COL27A1: variants seen among roughly 807,000 people sequenced by gnomAD.
The protein encoded by COL27A1 is collagen alpha-1(XXVII) chain.
COL27A1 carries 106 observed loss-of-function variants against 251.3 expected under a neutral mutation model. That is an observed-to-expected ratio of 0.42 (90% CI 0.36 to 0.50). The LOEUF (loss-of-function observed/expected upper bound fraction) is 0.50. COL27A1 is among the 20% of genes least tolerant of loss of function. The pLI is 0.00. For missense variants in COL27A1, 2,325 were observed against 2,522.8 expected (o/e 0.92, Z 1.68); for synonymous variants, 1,000 against 986.3 (o/e 1.01, Z -0.26).
Position 114,194,386 on chromosome 9 carries a change from G to C in COL27A1, c.2017-18G>C, listed in dbSNP as rs940128997. The C allele has an allele frequency of 6.2e-7, 1 of 1,613,242 alleles. No homozygotes were observed. Among genetic ancestry groups the C allele is most frequent in the African/African-American group, 1.3e-5 (1 of 74,902 alleles). ...TCTAGATGACTTGGTGGCCAAAGTG[G>C]AATTGTTTTTGTTTCAGGGACAGAA... On this transcript the variant is annotated intron_variant, in intron 5 of 60. Transcript: ENST00000356083.
chr9:114,298,868 A>G (rs1828423238), intron 49 of COL27A1, among the ~76,000 whole-genome samples: 1 of 152,244 alleles, frequency 6.6e-6, no homozygotes. Context: ...GAAAGTATTT[A>G]CGAATCATAT....
chr9:114,205,208 T>C, intron 8 of COL27A1, 62 bp downstream of exon 8: 1 of 1,470,350 alleles, frequency 6.8e-7, no homozygotes. Context: ...CCTACCTGTC[T>C]CTGGCCCCCT....
intron 10 of COL27A1, chr9:114,209,441 C>T (rs1474320011): frequency 7.8e-6 from 6 of 766,450 alleles, no homozygotes; most frequent in East Asian, 5.0e-5. Flanking sequence ...CCTTCCCTGG[C>T]GTGAGGGTAT....
At chr9:114,162,619 G>T in intron 1 of COL27A1, 96 bp from the exon 2 acceptor site, 1 of 876,904 alleles carries the variant, frequency 1.1e-6, no homozygotes. Context: ...ACTGGGGTGA[G>T]ACTGGGACTG....
At chr9:114,222,648 C>A (rs990731517) in intron 14 of COL27A1, among the ~76,000 whole-genome samples, 2 of 152,184 alleles carry the variant, frequency 1.3e-5, no homozygotes, top group Non-Finnish European at 2.9e-5. Context: ...TGATGGCATA[C>A]TTATTTCACA....
intron 7 of COL27A1, among the ~76,000 whole-genome samples, chr9:114,202,007 G>A (rs1829614179): frequency 6.6e-6 from 1 of 152,204 alleles, no homozygotes; most frequent in Non-Finnish European, 1.5e-5. Flanking sequence ...TTCCTCAACT[G>A]GCAAATGTGT....
At chr9:114,258,102 CG>C (rs1834062392) in intron 27 of COL27A1, among the ~76,000 whole-genome samples, 1 of 152,110 alleles carries the variant, frequency 6.6e-6, no homozygotes, top group Admixed American at 6.5e-5. Context: ...GAGGCTGAGG[CG>C]GGGGGATCAC....
rs368193655 is a variant in COL27A1 at position 114,169,134 on chromosome 9, G to A, written c.1579G>A (p.Gly527Ser). ...AACAGCACCTGCCGTCCCCACTCCTGGCTCAGCTCCCACTGGAAGCAAGAA... is the reference window on the plus strand; with the variant it reads ...AACAGCACCTGCCGTCCCCACTCCTAGCTCAGCTCCCACTGGAAGCAAGAA... ...PRTAPAVPTP[G>S]SAPTGSKKPI... Residue 527 changes from glycine (G) to serine (S), a missense_variant, in exon 3 of 61, where the codon GGC (glycine) becomes AGC (serine). Gly to Ser is a moderately conservative substitution (Grantham distance 56, BLOSUM62 0). This residue lies in a region of COL27A1 where 1,183 missense variants were observed against 1,144.1 expected (regional missense o/e 1.03). Transcript: ENST00000356083. 3.1e-6 allele frequency: 5 copies of A among 1,613,966 alleles called. No homozygotes were observed. The African/African-American group carries it at 5.3e-5, about 17-fold the overall frequency.
chr9:114,165,513 C>G (rs1052015968), intron 2 of COL27A1, among the ~76,000 whole-genome samples: 10 of 150,518 alleles, frequency 6.6e-5, no homozygotes, highest in African/African-American at 2.2e-4. Context: ...CATTCATCCA[C>G]CCACCCATCC....
intron 39 of COL27A1, among the ~76,000 whole-genome samples, chr9:114,283,243 C>T (rs1193735328): frequency 1.3e-5 from 2 of 152,168 alleles, no homozygotes; most frequent in Non-Finnish European, 2.9e-5. Context: ...AGGAGTTACA[C>T]GGCAGCCCTC....
At chr9:114,208,471 A>T (rs1830127177) in intron 10 of COL27A1, among the ~76,000 whole-genome samples, 1 of 152,118 alleles carries the variant, frequency 6.6e-6, no homozygotes, top group African/African-American at 2.4e-5. Context: ...TAAATAAAAA[A>T]ATAATAAAAT....
At chr9:114,233,155 G>T (rs1832088015) in intron 16 of COL27A1, among the ~76,000 whole-genome samples, 1 of 152,202 alleles carries the variant, frequency 6.6e-6, no homozygotes, top group Non-Finnish European at 1.5e-5. Context: ...GCAGAACTAA[G>T]TCAGAAGGTC....
rs1832669048 is a variant in COL27A1, at chr9:114,240,283, T to C, written c.2781+10T>C. The C allele has an allele frequency of 6.3e-7, 1 of 1,591,220 alleles. No homozygotes were observed. Among genetic ancestry groups the C allele is most frequent in the Non-Finnish European group, 8.6e-7 (1 of 1,168,250 alleles). On this transcript the variant is annotated intron_variant, in intron 20 of 60. Transcript: ENST00000356083. Reference sequence around the variant, plus strand: ...CCCAGAAGGCATGAAGGTGAGTACCTGCCCAGGGCAGCTCCAGTTGGAGGA... The same window carrying C: ...CCCAGAAGGCATGAAGGTGAGTACCCGCCCAGGGCAGCTCCAGTTGGAGGA...
chr9:114,215,324 T>G (rs1830648609), intron 12 of COL27A1, among the ~76,000 whole-genome samples: 1 of 152,136 alleles, frequency 6.6e-6, no homozygotes, highest in African/African-American at 2.4e-5. Flanking sequence ...TATTTCCAAG[T>G]AGGGAAATTG....
rs1827977113 is a variant in COL27A1 at position 114,292,291 on chromosome 9, G to A, written c.4584+81G>A. On this transcript the variant is annotated intron_variant, in intron 49 of 60. Coordinates refer to ENST00000356083, the MANE Select transcript of COL27A1 (RefSeq NM_032888.4). ...CATACACCTACATGTACAAACACAT[G>A]CACACTCATACACACACACAAACAC... The A allele has an allele frequency of 3.7e-6, 4 of 1,090,722 alleles. No individual in the cohort carries two copies. The East Asian group carries it at 1.0e-4, about 28-fold the overall frequency. The allele number at this position is 1,090,722 out of a possible 1,614,324, so 67.6% of individuals were successfully genotyped here. A position where few individuals can be genotyped will look rare whatever the true frequency, so the allele number is the denominator to read the frequency against.
intron 2 of COL27A1, among the ~76,000 whole-genome samples, chr9:114,164,267 A>G (rs1848685202): frequency 6.6e-6 from 1 of 152,244 alleles, no homozygotes; most frequent in African/African-American, 2.4e-5. Context: ...TAAGTGCTCA[A>G]CAAGTATTAG....
intron 5 of COL27A1, among the ~76,000 whole-genome samples, chr9:114,191,151 C>T (rs764377183): frequency 2.6e-5 from 4 of 152,166 alleles, no homozygotes; most frequent in Non-Finnish European, 4.4e-5. Context: ...TTCCTGTCCT[C>T]CACTTACCAC....
intron 27 of COL27A1, among the ~76,000 whole-genome samples, chr9:114,257,743 G>A (rs1834027267): frequency 6.6e-6 from 1 of 152,080 alleles, no homozygotes; most frequent in Non-Finnish European, 1.5e-5. Flanking sequence ...CCCCAGGCCT[G>A]TGTTCTCAGT....
chr9:114,155,381 T>C (rs574515610), upstream of COL27A1, among the ~76,000 whole-genome samples: 2 of 152,066 alleles, frequency 1.3e-5, no homozygotes, highest in South Asian at 4.2e-4. This position sits in a 1 kb window ranked among gnomAD's most constrained non-coding sequence, Gnocchi z 5.5. Context: ...GGGTGTCCCA[T>C]CGGGGCTGTA....
Sources: gnomAD v4.1 joint callset for allele counts (sites outside exome capture counted in the v4.1 genomes callset) on GRCh38, gnomAD v4.1.1 for gene constraint, gnomAD v4.1.1 regional missense constraint, Gnocchi (gnomAD v3.1) non-coding constraint, MANE v1.5 for transcripts, NCBI Gene and HGNC (gene_info 2026-07-23, HGNC 2026-07-21) for gene names.